ATG14: variants seen among roughly 807,000 people sequenced by gnomAD.
ATG14 encodes the protein autophagy related 14, also known as beclin 1-associated autophagy-related key regulator.
Under a neutral mutation model 60.4 loss-of-function variants are expected in ATG14, and 35 were observed. That is an observed-to-expected ratio of 0.58 (90% CI 0.44 to 0.77). The LOEUF is 0.77. Among genes scored for constraint, ATG14 ranks in the 30% least tolerant of loss-of-function variants. ATG14 has a pLI of 0.00. For missense variants in ATG14, 647 were observed against 626.3 expected (o/e 1.03, Z -0.35); for synonymous variants, 234 against 228.8 (o/e 1.02, Z -0.21).
Position 55,390,975 on chromosome 14 carries a change from G to C in ATG14, c.345C>G (p.Ser115=), listed in dbSNP as rs759258389. ...TTAACTGTTCAATCCTCATCTTGCA[G>C]GACATTATTTTCCATCTCTGAAAAA... ...ITDQLRWKIM[S]CKMRIEQLKQ... The change falls in exon 4 of 10, where the codon TCC becomes TCG. Residue 115 remains serine, a synonymous_variant. Transcript: ENST00000247178. 2 of 1,606,124 alleles carry C rather than the reference G, an allele frequency of 1.2e-6. No individual in the cohort carries two copies. The highest frequency in any genetic ancestry group is 2.2e-5 in the South Asian group (2 of 89,472).
intron 1 of ATG14, among the ~76,000 whole-genome samples, chr14:55,407,175 C>A (rs758032923): frequency 6.6e-6 from 1 of 152,122 alleles, no homozygotes; most frequent in Non-Finnish European, 1.5e-5. Context: ...TCTCGCCAGG[C>A]TGGAGTGCAA....
chr14:55,376,825 G>C (rs1304717647), intron 9 of ATG14, among the ~76,000 whole-genome samples: 1 of 152,072 alleles, frequency 6.6e-6, no homozygotes, highest in Non-Finnish European at 1.5e-5. Context: ...TAAGAGCAAG[G>C]AAAAAAGGGC....
intron 4 of ATG14, among the ~76,000 whole-genome samples, chr14:55,389,969 A>C (rs1343662065): frequency 6.6e-6 from 1 of 152,212 alleles, no homozygotes; most frequent in Non-Finnish European, 1.5e-5. Context: ...GAAAAAAAAA[A>C]CAATATTCTG....
chr14:55,397,053 T>C (rs190794738), intron 2 of ATG14, among the ~76,000 whole-genome samples: 27 of 152,366 alleles, frequency 1.8e-4, no homozygotes, highest in Admixed American at 2.6e-4. Flanking sequence ...TAATGTCCTA[T>C]GGGAGCCACC....
rs1000930624 is a variant in ATG14, at chr14:55,366,720, ATTAC to A, written c.*2895_*2898del. On this transcript the variant is annotated 3_prime_UTR_variant, in exon 10 of 10. Transcript: ENST00000247178. ...TTGGTGCCTGTGGGTTTTTATTAGT[ATTAC>A]TTTGTTTCAGTAAATCATTTTAAAA... 3.3e-4 allele frequency: 51 copies of A among 152,706 alleles called. No homozygotes were observed. Among genetic ancestry groups the A allele is most frequent in the African/African-American group, 1.2e-3 (51 of 41,574 alleles). 9.5% of individuals were successfully genotyped at this position (152,706 alleles called of 1,614,324 possible). A position where few individuals can be genotyped will look rare whatever the true frequency, so the allele number is the denominator to read the frequency against.
At position 55,368,609 on chromosome 14, in the gene ATG14, T is replaced by A. The variant is rs1489207988; in HGVS notation, c.*1010A>T. The A allele has an allele frequency of 6.6e-6, 1 of 152,244 alleles. No homozygotes were observed. The highest frequency in any genetic ancestry group is 1.5e-5 in the Non-Finnish European group (1 of 68,056). The allele number at this position is 152,244 out of a possible 1,614,324, so 9.4% of individuals were successfully genotyped here. On this transcript the variant is annotated 3_prime_UTR_variant, in exon 10 of 10. Coordinates refer to ENST00000247178, the MANE Select transcript of ATG14 (RefSeq NM_014924.5). ...TCTGCGCTGCATTTCTGAGCAAAGCTGTGTCCTCAGAGCAACAAAGAGTTC... is the reference window on the plus strand; with the variant it reads ...TCTGCGCTGCATTTCTGAGCAAAGCAGTGTCCTCAGAGCAACAAAGAGTTC...
intron 1 of ATG14, among the ~76,000 whole-genome samples, chr14:55,402,184 T>C (rs990306358): frequency 6.6e-6 from 1 of 152,174 alleles, no homozygotes; most frequent in African/African-American, 2.4e-5. Flanking sequence ...ACTGAGCACT[T>C]ACTATGTCCC....
At chr14:55,390,523 G>A (rs1049797073) in intron 4 of ATG14, among the ~76,000 whole-genome samples, 9 of 152,022 alleles carry the variant, frequency 5.9e-5, no homozygotes, top group South Asian at 2.1e-4. Flanking sequence ...ACAGGCACCC[G>A]CCACCACACC....
At chr14:55,378,118 A>G (rs1884955746) in intron 7 of ATG14, 44 bp from the exon 8 acceptor site, 1 of 1,538,280 alleles carries the variant, frequency 6.5e-7, no homozygotes, top group Non-Finnish European at 8.9e-7. Flanking sequence ...TTTTTTGAGG[A>G]AATTCTATGT....
intron 4 of ATG14, among the ~76,000 whole-genome samples, chr14:55,387,134 G>C (rs1885138642): frequency 6.6e-6 from 1 of 151,890 alleles, no homozygotes; most frequent in Non-Finnish European, 1.5e-5. Flanking sequence ...TCTTTCACTT[G>C]CTCAATCTTT....
At position 55,411,609 on chromosome 14, in the gene ATG14, G is replaced by C. The variant is rs746474554; in HGVS notation, c.214C>G (p.Arg72Gly). 7.5e-6 allele frequency: 12 copies of C among 1,607,870 alleles called. No individual in the cohort carries two copies. The East Asian group carries it at 1.8e-4, about 24-fold the overall frequency. ...CCGTGGCGGCCGCCGTACCTCTCCCGGTCGCGGCCGTCGAAGTAGACGAAA... is the reference window on the plus strand; with the variant it reads ...CCGTGGCGGCCGCCGTACCTCTCCCCGTCGCGGCCGTCGAAGTAGACGAAA... Reference protein sequence around the residue: ...GDFVYFDGRDRERFIDKKERL... With the variant: ...GDFVYFDGRDGERFIDKKERL... The change falls in exon 1 of 10, where the codon CGG becomes GGG. Residue 72 changes from arginine (R) to glycine (G), a missense_variant. Coordinates refer to ENST00000247178, the MANE Select transcript of ATG14 (RefSeq NM_014924.5).
intron 1 of ATG14, among the ~76,000 whole-genome samples, chr14:55,398,689 C>T (rs938282981): frequency 6.6e-6 from 1 of 151,952 alleles, no homozygotes; most frequent in Non-Finnish European, 1.5e-5. Flanking sequence ...TATGGTATGC[C>T]GTGGAGAAAG....
In ATG14 at chr14:55,382,146, G is replaced by A. The variant is rs201560990; in HGVS notation, c.693C>T (p.Ser231=). The part of the protein sequence containing the change: ...VSSESDSAMT[S]STVSKLAEAR... ...CTTCAGCAAGCTTGCTCACAGTGCT[G>A]GAGGTCATGGCACTGTCACTCTCTG... The change falls in exon 6 of 10, where the codon TCC becomes TCT. Residue 231 remains serine (S), a synonymous_variant. Coordinates refer to ENST00000247178, the MANE Select transcript of ATG14 (RefSeq NM_014924.5). 6.2e-7 allele frequency: 1 copy of A among 1,614,120 alleles called. No homozygotes were observed. Among genetic ancestry groups the A allele is most frequent in the East Asian group, 2.2e-5 (1 of 44,882 alleles).
At chr14:55,404,695 C>T (rs1328983829) in intron 1 of ATG14, among the ~76,000 whole-genome samples, 1 of 152,130 alleles carries the variant, frequency 6.6e-6, no homozygotes, top group East Asian at 1.9e-4. Context: ...TTAATCCCAG[C>T]CCTTGGTTCA....
chr14:55,411,461 A>G lies in ATG14; in HGVS notation c.221+141T>C. 3.6e-6 allele frequency: 3 copies of G among 838,132 alleles called. No homozygotes were observed. The South Asian group carries it at 5.3e-5, about 15-fold the overall frequency. 51.9% of individuals were successfully genotyped at this position (838,132 alleles called of 1,614,324 possible). On this transcript the variant is annotated intron_variant, in intron 1 of 9. Coordinates refer to ENST00000247178, the MANE Select transcript of ATG14 (RefSeq NM_014924.5). ...CTCTGGTAGCAAAGCTCCGGTGCAG[A>G]GCAGCTAGCTACACTCCCTCTCTCT...
chr14:55,402,969 A>ATATATATAT (rs1491354292), intron 1 of ATG14, among the ~76,000 whole-genome samples: 1 of 94,072 alleles, frequency 1.1e-5, no homozygotes, highest in Non-Finnish European at 2.2e-5. Flanking sequence ...ATATATATAT[A>ATATATATAT]AATAGCTGGG....
rs187426720 is a variant in ATG14 at position 55,388,024 on chromosome 14, C to A, written c.410-1928G>T. ...TGGTGATGGGTGCTTGTAATCCCAG[C>A]TACTTGGGAGGCTGAGGCAGGAGAA... On this transcript the variant is annotated intron_variant, in intron 4 of 9. Coordinates refer to ENST00000247178, the MANE Select transcript of ATG14 (RefSeq NM_014924.5). Among the ~76,000 whole-genome samples, 420 of 152,148 alleles carry A rather than the reference C, an allele frequency of 2.8e-3. 4 individuals are homozygous for A. Among genetic ancestry groups the A allele is most frequent in the African/African-American group, 9.8e-3 (406 of 41,534 alleles).
intron 9 of ATG14, among the ~76,000 whole-genome samples, chr14:55,374,967 A>G (rs1034567698): frequency 1.3e-5 from 2 of 152,194 alleles, no homozygotes; most frequent in African/African-American, 4.8e-5. Context: ...CTTGCAGACT[A>G]TACTTCTAGT....
At chr14:55,396,095 C>T (rs1885310020) in intron 2 of ATG14, 113 bp from the exon 3 acceptor site, 4 of 693,476 alleles carry the variant, frequency 5.8e-6, no homozygotes, top group Non-Finnish European at 9.0e-6. Context: ...CTAGAAATAT[C>T]AAAACGGGAC....
Sources: allele counts gnomAD v4.1 joint callset (sites outside exome capture counted in the v4.1 genomes callset), GRCh38; gene constraint gnomAD v4.1.1; transcripts MANE v1.5; gene names NCBI Gene and HGNC (gene_info 2026-07-23, HGNC 2026-07-21).